The following CYP19A1 variants were observed in gnomAD, a reference collection of about 807,000 sequenced individuals.
The protein encoded by CYP19A1 is cytochrome P450 family 19 subfamily A member 1.
Under a neutral mutation model 44.4 loss-of-function variants are expected in CYP19A1, and 32 were observed. That is an observed-to-expected ratio of 0.72 (90% confidence interval 0.54 to 0.97). The LOEUF (loss-of-function observed/expected upper bound fraction) is 0.97. Ranked by LOEUF, CYP19A1 falls within the 50% of genes least tolerant of loss-of-function variation. CYP19A1 has a pLI of 0.00. For missense variants in CYP19A1, 598 were observed against 637.8 expected (o/e 0.94, Z 0.67); for synonymous variants, 212 against 215.6 (o/e 0.98, Z 0.14).
chr15:51,311,027 G>T (rs1004553987), intron 1 of CYP19A1, among the ~76,000 whole-genome samples: 3 of 152,112 alleles, frequency 2.0e-5, no homozygotes, highest in Non-Finnish European at 2.9e-5. Context: ...AACTCAACAT[G>T]CTTTATGATT....
chr15:51,260,741 G>T (rs534216594), intron 1 of CYP19A1, among the ~76,000 whole-genome samples: 1 of 152,238 alleles, frequency 6.6e-6, no homozygotes, highest in East Asian at 1.9e-4. Context: ...ATACAAATTG[G>T]GCTAAAAGCA....
chr15:51,248,909 T>C (rs2034184173), intron 1 of CYP19A1, among the ~76,000 whole-genome samples: 1 of 152,088 alleles, frequency 6.6e-6, no homozygotes, highest in South Asian at 2.1e-4. Flanking sequence ...TGCTTCCAGT[T>C]GTCTACAAGA....
intron 1 of CYP19A1, among the ~76,000 whole-genome samples, chr15:51,322,524 A>G (rs539179904): frequency 6.6e-6 from 1 of 152,350 alleles, no homozygotes; most frequent in East Asian, 1.9e-4. Flanking sequence ...CAGATAATAA[A>G]AGCAAACTAG....
chr15:51,212,284 A>G (rs1434443101), intron 9 of CYP19A1, 36 bp downstream of exon 9: 29 of 1,426,166 alleles, frequency 2.0e-5, no homozygotes, highest in Non-Finnish European at 2.9e-5. Context: ...GACATTTTCA[A>G]GAGTGGCACA....
At chr15:51,312,404 T>A (rs987792751) in intron 1 of CYP19A1, 3 of 152,252 alleles carry the variant, frequency 2.0e-5, no homozygotes, top group African/African-American at 7.2e-5. Flanking sequence ...CAGCTCCAGA[T>A]GCATTACATC....
rs574225144 is a variant in CYP19A1 at position 51,243,597 on chromosome 15, T to C, written c.-38-647A>G. The stretch of plus-strand genomic sequence containing the variant: ...GTACCATGGGCCAGATTAAACAGTA[T>C]CCCTAGGGACCGGCCAACGGTAGTG... On this transcript the variant is annotated intron_variant, in intron 1 of 9. Coordinates refer to ENST00000396402, the MANE Select transcript of CYP19A1 (RefSeq NM_000103.4). 1.1e-3 allele frequency among the ~76,000 whole-genome samples: 161 copies of C among 151,664 alleles called. 1 individual carries two copies. Among genetic ancestry groups the C allele is most frequent in the South Asian group, 9.4e-3 (45 of 4,780 alleles).
chr15:51,242,334 C>A, intron 2 of CYP19A1: 4 of 268,850 alleles, frequency 1.5e-5, no homozygotes, highest in Non-Finnish European at 2.2e-5. Flanking sequence ...AAATACAAGA[C>A]AAAGAGGGGG....
At position 51,211,918 on chromosome 15, in the gene CYP19A1, A is replaced by C. The variant is rs28757199; in HGVS notation, c.1263+402T>G. Among the ~76,000 whole-genome samples, 652 of 151,600 alleles carry C rather than the reference A, an allele frequency of 4.3e-3. 3 individuals are homozygous for C. The highest frequency in any genetic ancestry group is 7.7e-3 in the Non-Finnish European group (522 of 68,008). On this transcript the variant is annotated intron_variant, in intron 9 of 9. Transcript: ENST00000396402. ...AAACCAAATCTTTTGGTCTCATTTG[A>C]TTTTCATCTGAAGCAGTAGTGGACT...
intron 1 of CYP19A1, among the ~76,000 whole-genome samples, chr15:51,289,664 C>A (rs1479618365): frequency 1.3e-5 from 2 of 152,206 alleles, no homozygotes; most frequent in Non-Finnish European, 2.9e-5. Flanking sequence ...CTCTCCCCAC[C>A]CCTTGCCAAA....
intron 2 of CYP19A1, among the ~76,000 whole-genome samples, chr15:51,238,894 G>A (rs914973497): frequency 4.6e-5 from 7 of 152,204 alleles, no homozygotes; most frequent in Admixed American, 4.6e-4. Context: ...ATTAGGGACT[G>A]GAGATGTTAT....
intron 7 of CYP19A1, 57 bp downstream of exon 7, chr15:51,215,646 C>G: frequency 1.2e-6 from 2 of 1,613,500 alleles, no homozygotes; most frequent in Non-Finnish European, 1.7e-6. Context: ...TCTTTACACA[C>G]CTCTACACAG....
chr15:51,223,593 TCACACA>T (rs5812545), intron 4 of CYP19A1, among the ~76,000 whole-genome samples: 63 of 90,212 alleles, frequency 7.0e-4, no homozygotes, highest in Middle Eastern at 0.012. Flanking sequence ...TCTCTCTCTC[TCACACA>T]CACACACACA....
intron 5 of CYP19A1, chr15:51,221,347 T>C (rs2141058995): frequency 6.6e-6 from 1 of 152,252 alleles, no homozygotes; most frequent in South Asian, 2.1e-4. Context: ...TAATACATAA[T>C]ATAAATGACT....
intron 1 of CYP19A1, among the ~76,000 whole-genome samples, chr15:51,297,065 G>T (rs1029974233): frequency 6.6e-6 from 1 of 152,148 alleles, no homozygotes; most frequent in Non-Finnish European, 1.5e-5. Flanking sequence ...GCCAAGTGAC[G>T]ACTTTTGTGT....
rs186643212 is a variant in CYP19A1 at position 51,229,947 on chromosome 15, C to T, written c.297-2014G>A. On this transcript the variant is annotated intron_variant, in intron 3 of 9. Transcript: ENST00000396402. ...AAGAAACTCCAAACATAAAACAAAC[C>T]CAACGAAATATTTGCTAGTTATTAG... 2.4e-3 allele frequency among the ~76,000 whole-genome samples: 359 copies of T among 152,164 alleles called. 3 individuals are homozygous for T. Among genetic ancestry groups the T allele is most frequent in the Non-Finnish European group, 2.9e-3 (198 of 67,996 alleles).
At chr15:51,282,550 A>G (rs553693459) in intron 1 of CYP19A1, among the ~76,000 whole-genome samples, 1 of 152,202 alleles carries the variant, frequency 6.6e-6, no homozygotes, top group African/African-American at 2.4e-5. Context: ...GGGCTTCCAG[A>G]GCTCAGGGCC....
chr15:51,314,676 C>G (rs1420542783), intron 1 of CYP19A1, among the ~76,000 whole-genome samples: 2 of 152,208 alleles, frequency 1.3e-5, no homozygotes, highest in Admixed American at 1.3e-4. Context: ...AAAATCCTAC[C>G]CATGTCGGAG....
At chr15:51,329,532 G>C (rs2036667134) in intron 1 of CYP19A1, among the ~76,000 whole-genome samples, 1 of 152,144 alleles carries the variant, frequency 6.6e-6, no homozygotes, top group Non-Finnish European at 1.5e-5. Flanking sequence ...CACTGATGGA[G>C]GGAAATTTTA....
intron 1 of CYP19A1, among the ~76,000 whole-genome samples, chr15:51,309,711 T>C (rs764868483): frequency 7.9e-5 from 12 of 152,224 alleles, no homozygotes; most frequent in Non-Finnish European, 7.3e-5. Flanking sequence ...GAAACAATGA[T>C]AGAAGTTTCT....
Sources: allele counts gnomAD v4.1 joint callset (sites outside exome capture counted in the v4.1 genomes callset), GRCh38; gene constraint gnomAD v4.1.1; transcripts MANE v1.5; gene names NCBI Gene and HGNC (gene_info 2026-07-23, HGNC 2026-07-21).